Variants in MYO3B observed in about 807,000 individuals in gnomAD.
MYO3B encodes the protein myosin-IIIb.
A neutral mutation model predicts 174.6 loss-of-function variants in MYO3B; 156 were observed. That is an observed-to-expected ratio of 0.89 (90% CI 0.78 to 1.02). The LOEUF is 1.02. Among genes scored for constraint, MYO3B ranks in the 50% least tolerant of loss-of-function variants. MYO3B has a pLI of 0.00. For synonymous variants in MYO3B, 563 were observed against 569.1 expected (o/e 0.99, Z 0.15); for missense variants, 1,632 against 1,639.4 (o/e 1.00, Z 0.08).
At chr2:170,630,069 C>G (rs967203421) in intron 32 of MYO3B, among the ~76,000 whole-genome samples, 1 of 152,220 alleles carries the variant, frequency 6.6e-6, no homozygotes, top group Non-Finnish European at 1.5e-5. Flanking sequence ...AAAGTGGGTG[C>G]AGCCCATGGA....
chr2:170,279,699 T>C (rs577298174), intron 7 of MYO3B, among the ~76,000 whole-genome samples: 1 of 152,314 alleles, frequency 6.6e-6, no homozygotes, highest in East Asian at 1.9e-4. Flanking sequence ...TCCCACTTTA[T>C]AAGCGAGAAC....
At chr2:170,243,435 C>T (rs1470337290) in intron 7 of MYO3B, among the ~76,000 whole-genome samples, 2 of 152,184 alleles carry the variant, frequency 1.3e-5, no homozygotes, top group African/African-American at 4.8e-5. Flanking sequence ...CAGTTTTGCT[C>T]TCAAGTTATT....
At chr2:170,190,799 G>A (rs1365536131) in intron 1 of MYO3B, among the ~76,000 whole-genome samples, 1 of 152,032 alleles carries the variant, frequency 6.6e-6, no homozygotes, top group African/African-American at 2.4e-5. Flanking sequence ...CAAGAGCCAA[G>A]GCCTAGAACT....
chr2:170,240,127 T>A (rs944771306), intron 7 of MYO3B, among the ~76,000 whole-genome samples: 1 of 152,218 alleles, frequency 6.6e-6, no homozygotes, highest in Non-Finnish European at 1.5e-5. Flanking sequence ...CATCTGGGGA[T>A]CCTTGCCTTA....
chr2:170,608,322 T>G (rs1387832830), intron 32 of MYO3B, among the ~76,000 whole-genome samples: 1 of 152,242 alleles, frequency 6.6e-6, no homozygotes, highest in Non-Finnish European at 1.5e-5. Flanking sequence ...TATTTATATG[T>G]AAGTGCCACA....
chr2:170,573,844 C>T (rs1692617279), intron 32 of MYO3B, among the ~76,000 whole-genome samples: 1 of 151,950 alleles, frequency 6.6e-6, no homozygotes, highest in South Asian at 2.1e-4. Flanking sequence ...TGCCTTTTTC[C>T]CTCCCTAGTC....
At chr2:170,624,406 C>T (rs6714866) in intron 32 of MYO3B, among the ~76,000 whole-genome samples, 62,331 of 151,910 alleles carry the variant, frequency 0.41, 13,443 homozygotes, top group Non-Finnish European at 0.49. Flanking sequence ...GATTTTTGCA[C>T]GTTGATTTTG....
At chr2:170,383,354 A>G (rs2094349856) in intron 11 of MYO3B, among the ~76,000 whole-genome samples, 165 bp downstream of exon 11, 1 of 152,240 alleles carries the variant, frequency 6.6e-6, no homozygotes, top group Non-Finnish European at 1.5e-5. Context: ...CATCTTGAGA[A>G]TACCTTTTTA....
chr2:170,601,589 A>G (rs1318702481), intron 32 of MYO3B: 5 of 1,115,206 alleles, frequency 4.5e-6, no homozygotes, highest in African/African-American at 1.5e-5. Flanking sequence ...AGACAAGGAA[A>G]AAAACTAGGC....
chr2:170,359,303 C>A (rs910820415), intron 8 of MYO3B, among the ~76,000 whole-genome samples: 1 of 152,184 alleles, frequency 6.6e-6, no homozygotes, highest in Non-Finnish European at 1.5e-5. Context: ...TTTCAACACT[C>A]TTGACTTGTC....
intron 18 of MYO3B, 105 bp downstream of exon 18, chr2:170,401,796 C>A: frequency 4.9e-4 from 392 of 793,380 alleles, no homozygotes; most frequent in Non-Finnish European, 6.8e-4. Context: ...GATTTTCTTT[C>A]TTTTTCTTTT....
At chr2:170,556,517 G>A (rs1463680905) in intron 32 of MYO3B, among the ~76,000 whole-genome samples, 1 of 148,502 alleles carries the variant, frequency 6.7e-6, no homozygotes, top group South Asian at 2.1e-4. Context: ...TCAGTATCTT[G>A]GATTTTTACT....
intron 32 of MYO3B, among the ~76,000 whole-genome samples, chr2:170,608,734 C>T (rs964969100): frequency 6.6e-6 from 1 of 152,116 alleles, no homozygotes; most frequent in African/African-American, 2.4e-5. Flanking sequence ...TCAGCACTTC[C>T]AGCCTCTCAT....
intron 32 of MYO3B, among the ~76,000 whole-genome samples, chr2:170,586,673 G>A (rs1337036791): frequency 1.3e-5 from 2 of 152,152 alleles, no homozygotes; most frequent in Non-Finnish European, 2.9e-5. Context: ...AAGTGGATCT[G>A]CCCCTGGAAT....
chr2:170,329,555 A>AT (rs752223902), intron 7 of MYO3B, among the ~76,000 whole-genome samples: 1,439 of 114,570 alleles, frequency 0.013, 18 homozygotes, highest in Middle Eastern at 0.028. Context: ...TGATTTTTGT[A>AT]TTTTTTTTTT....
chr2:170,261,984 T>G (rs1294532552), intron 7 of MYO3B, among the ~76,000 whole-genome samples: 2 of 152,224 alleles, frequency 1.3e-5, no homozygotes, highest in Non-Finnish European at 2.9e-5. Flanking sequence ...GGAGATGTAG[T>G]GATCAGTCAG....
At chr2:170,462,924 T>A (rs1382198507) in intron 23 of MYO3B, among the ~76,000 whole-genome samples, 1 of 152,224 alleles carries the variant, frequency 6.6e-6, no homozygotes. Flanking sequence ...GGTTGCAGCA[T>A]CAGAGTCTGA....
intron 25 of MYO3B, among the ~76,000 whole-genome samples, chr2:170,469,905 C>A (rs936574597): frequency 6.6e-6 from 1 of 151,862 alleles, no homozygotes; most frequent in Non-Finnish European, 1.5e-5. Context: ...GAGTTCGAGA[C>A]CAGCCTGACC....
At chr2:170,218,336 A>G (rs1354959046) in intron 6 of MYO3B, among the ~76,000 whole-genome samples, 4 of 152,258 alleles carry the variant, frequency 2.6e-5, no homozygotes, top group Non-Finnish European at 5.9e-5. Context: ...TATTTCTTAA[A>G]TAGGTTTTAC....
Sources: gnomAD v4.1 joint callset for allele counts (sites outside exome capture counted in the v4.1 genomes callset) on GRCh38, gnomAD v4.1.1 for gene constraint, MANE v1.5 for transcripts, NCBI Gene and HGNC (gene_info 2026-07-23, HGNC 2026-07-21) for gene names.